The following HPSE2 variants were observed in gnomAD, a reference collection of about 807,000 sequenced individuals.
The protein encoded by HPSE2 is heparanase 2 (inactive), also known as inactive heparanase-2.
Under a neutral mutation model 60.5 loss-of-function variants are expected in HPSE2, and 38 were observed. The observed-to-expected ratio is 0.63, with a 90% CI of 0.48 to 0.82. The LOEUF (loss-of-function observed/expected upper bound fraction) is 0.82. Among genes scored for constraint, HPSE2 ranks in the 40% least tolerant of loss-of-function variants. The probability of loss-of-function intolerance (pLI) is 0.00; values close to 1 mark genes in which losing one functional copy is unlikely to be tolerated. For synonymous variants in HPSE2, 295 were observed against 293.2 expected, an observed-to-expected ratio of 1.01 and a Z score of -0.06; for missense variants, 713 against 740.4, an observed-to-expected ratio of 0.96 and a Z score of 0.43.
rs533841304 is a variant in HPSE2 at position 99,081,852 on chromosome 10, GGTCTCA to G, written c.610+62380_610+62385del. On this transcript the variant is annotated intron_variant, in intron 3 of 11. Coordinates refer to ENST00000370552, the MANE Select transcript of HPSE2 (RefSeq NM_021828.5). ...AGGGTATCACTGTGTTAGCCAGGAA[GGTCTCA>G]ATCTCCTGACCACGTGATCCGCCCG... is the stretch of plus-strand genomic sequence containing the variant. Among the ~76,000 whole-genome samples, 270 of 152,146 alleles carry G rather than the reference GGTCTCA, an allele frequency of 1.8e-3. 2 individuals carry two copies. Among genetic ancestry groups the G allele is most frequent in the African/African-American group, 6.3e-3 (262 of 41,510 alleles).
At chr10:98,469,376 G>A (rs1254972862) in intron 11 of HPSE2, among the ~76,000 whole-genome samples, 1 of 152,116 alleles carries the variant, frequency 6.6e-6, no homozygotes, top group Non-Finnish European at 1.5e-5. Flanking sequence ...TAAAAACCAT[G>A]GAGACTTCAG....
intron 5 of HPSE2, among the ~76,000 whole-genome samples, chr10:98,714,892 G>A (rs1015940436): frequency 6.6e-6 from 1 of 151,672 alleles, no homozygotes; most frequent in Non-Finnish European, 1.5e-5. Context: ...GATGTGAGGT[G>A]GTATCTCGCT....
At chr10:98,511,024 T>A (rs1195969153) in intron 9 of HPSE2, among the ~76,000 whole-genome samples, 1 of 152,220 alleles carries the variant, frequency 6.6e-6, no homozygotes, top group East Asian at 1.9e-4. Context: ...GTATTGACTC[T>A]AAACTTCAGT....
chr10:98,796,064 T>C (rs1164767535), intron 3 of HPSE2, among the ~76,000 whole-genome samples: 1 of 152,060 alleles, frequency 6.6e-6, no homozygotes, highest in East Asian at 1.9e-4. Context: ...TGAGATGTGC[T>C]CACTTTAGGG....
chr10:98,603,426 A>C (rs1490513180), intron 9 of HPSE2, among the ~76,000 whole-genome samples: 11 of 96,348 alleles, frequency 1.1e-4, no homozygotes, highest in African/African-American at 3.5e-4. Flanking sequence ...ACGCCAGAGC[A>C]CTCTGTTTTT....
intron 3 of HPSE2, among the ~76,000 whole-genome samples, chr10:98,855,859 G>A (rs994752132): frequency 1.3e-5 from 2 of 152,144 alleles, no homozygotes; most frequent in African/African-American, 4.8e-5. Context: ...CTCTTTTCAG[G>A]TGTAGACTCA....
At chr10:99,010,110 C>G (rs1956978155) in intron 3 of HPSE2, among the ~76,000 whole-genome samples, 2 of 152,166 alleles carry the variant, frequency 1.3e-5, no homozygotes, top group Admixed American at 6.5e-5. Context: ...TAATCTAAAA[C>G]TCAGTGAGAT....
intron 3 of HPSE2, among the ~76,000 whole-genome samples, chr10:98,844,474 C>T (rs186878020): frequency 6.6e-6 from 1 of 152,236 alleles, no homozygotes; most frequent in East Asian, 1.9e-4. Context: ...CTAGACAGTA[C>T]ATTGAAGAAT....
At chr10:99,004,318 T>G (rs1424176807) in intron 3 of HPSE2, among the ~76,000 whole-genome samples, 2 of 152,080 alleles carry the variant, frequency 1.3e-5, no homozygotes, top group Admixed American at 1.3e-4. Context: ...TGTTTTGTTT[T>G]GTTTTTAGAA....
chr10:99,177,462 G>C (rs1256501305), intron 2 of HPSE2, among the ~76,000 whole-genome samples: 1 of 151,782 alleles, frequency 6.6e-6, no homozygotes, highest in Non-Finnish European at 1.5e-5. Context: ...AAAAAGCAGG[G>C]GTTGCAATCC....
chr10:99,155,849 A>C lies in HPSE2; in HGVS notation c.449-11450T>G, dbSNP rs1302790583. On this transcript the variant is annotated intron_variant, in intron 2 of 11. Coordinates refer to ENST00000370552, the MANE Select transcript of HPSE2 (RefSeq NM_021828.5). ...TTGAAAGGATCAACAAAATTGATAGACCACTAGCAAGACTAATAAAGAAAA... is the reference window on the plus strand; with the variant it reads ...TTGAAAGGATCAACAAAATTGATAGCCCACTAGCAAGACTAATAAAGAAAA... Among the ~76,000 whole-genome samples, 4 of 151,672 alleles carry C rather than the reference A, an allele frequency of 2.6e-5. No homozygotes were observed. The East Asian group carries it at 7.8e-4, about 30-fold the overall frequency.
intron 3 of HPSE2, among the ~76,000 whole-genome samples, chr10:98,809,921 G>A (rs12220844): frequency 0.074 from 11,185 of 152,118 alleles, 573 homozygotes; most frequent in South Asian, 0.19. Context: ...TTAATTCTTT[G>A]ATCTTTCCCA....
At chr10:99,265,206 C>T in the HPSE2 span, among the ~76,000 whole-genome samples, 2 of 152,316 alleles carry the variant, frequency 1.3e-5, no homozygotes, top group East Asian at 3.9e-4. Flanking sequence ...AATATTCTCC[C>T]CTGCCCTTAA....
At chr10:98,466,751 C>T (rs918013345) in intron 11 of HPSE2, among the ~76,000 whole-genome samples, 1 of 152,136 alleles carries the variant, frequency 6.6e-6, no homozygotes, top group African/African-American at 2.4e-5. Flanking sequence ...CTGGCTTAAC[C>T]GTTTTTCAGT....
At chr10:99,050,458 C>T (rs1957965790) in intron 3 of HPSE2, among the ~76,000 whole-genome samples, 1 of 152,032 alleles carries the variant, frequency 6.6e-6, no homozygotes, top group African/African-American at 2.4e-5. Context: ...ATAGAACTAC[C>T]ATATGATCCA....
At chr10:98,644,239 A>G (rs1946708494) in intron 6 of HPSE2, among the ~76,000 whole-genome samples, 1 of 152,184 alleles carries the variant, frequency 6.6e-6, no homozygotes, top group Admixed American at 6.5e-5. Flanking sequence ...CTGATCACAT[A>G]AGCAAAAATG....
At chr10:99,272,451 C>T in the HPSE2 span, among the ~76,000 whole-genome samples, 1 of 152,080 alleles carries the variant, frequency 6.6e-6, no homozygotes, top group Non-Finnish European at 1.5e-5. Context: ...AACTGAAAAG[C>T]TTCTGCACAG....
intron 3 of HPSE2, among the ~76,000 whole-genome samples, chr10:99,066,881 A>G (rs754361554): frequency 7.9e-5 from 12 of 152,162 alleles, no homozygotes; most frequent in Non-Finnish European, 1.6e-4. Flanking sequence ...AAAAGTCCAC[A>G]GTCCAAAGTC....
intron 9 of HPSE2, among the ~76,000 whole-genome samples, chr10:98,531,564 G>T (rs1943132244): frequency 6.6e-6 from 1 of 152,160 alleles, no homozygotes; most frequent in Admixed American, 6.5e-5. Context: ...CATGACGAAT[G>T]ATCATGGCTT....
Sources: gnomAD v4.1 joint callset for allele counts (sites outside exome capture counted in the v4.1 genomes callset) on GRCh38, gnomAD v4.1.1 for gene constraint, MANE v1.5 for transcripts, NCBI Gene and HGNC (gene_info 2026-07-23, HGNC 2026-07-21) for gene names.